MPHOSPH8: variants seen among roughly 807,000 people sequenced by gnomAD.
MPHOSPH8 encodes M-phase phosphoprotein, mpp.
MPHOSPH8 carries 45 observed loss-of-function variants against 87.3 expected under a neutral mutation model. That is an observed-to-expected ratio of 0.52 (90% CI 0.41 to 0.66). The LOEUF (loss-of-function observed/expected upper bound fraction) is 0.66, where lower values mean the gene tolerates loss of function less well. Ranked by LOEUF, MPHOSPH8 falls within the 30% of genes least tolerant of loss-of-function variation. The pLI is 0.00. For synonymous variants in MPHOSPH8, 366 were observed against 376.9 expected (o/e 0.97, Z 0.33); for missense variants, 883 against 1,020.2 (o/e 0.87, Z 1.83).
In MPHOSPH8 at chr13:19,672,681, G is replaced by A. The variant is rs557408686; in HGVS notation, c.*806G>A. The stretch of plus-strand genomic sequence containing the variant: ...CACACATTCCCCAAGCACAAAAGGT[G>A]GAGATGGCAGTCACTTTGTAAATAT... On this transcript the variant is annotated 3_prime_UTR_variant, in exon 14 of 14. Transcript: ENST00000361479. The A allele has an allele frequency of 8.9e-5, 14 of 157,080 alleles. No individual in the cohort carries two copies. Among genetic ancestry groups the A allele is most frequent in the African/African-American group, 3.1e-4 (13 of 41,602 alleles). The allele number at this position is 157,080 out of a possible 1,614,324, so 9.7% of individuals were successfully genotyped here. A position where few individuals can be genotyped will look rare whatever the true frequency, so the allele number is the denominator to read the frequency against.
intron 8 of MPHOSPH8, among the ~76,000 whole-genome samples, chr13:19,662,641 C>T (rs966236752): frequency 1.4e-4 from 22 of 152,034 alleles, no homozygotes; most frequent in Non-Finnish European, 2.2e-4. Flanking sequence ...TGATTTATCT[C>T]GTTGGAAGTA....
At position 19,668,493 on chromosome 13, in the gene MPHOSPH8, C is replaced by T; in HGVS notation, c.2291C>T (p.Thr764Ile). Residue 764 changes from threonine to isoleucine, a missense_variant, in exon 11 of 14, where the codon ACA (threonine) becomes ATA (isoleucine). By Grantham distance (89) the Thr-to-Ile change is moderately conservative. This residue lies in a region of MPHOSPH8 where 741 missense variants were observed against 841.5 expected (regional missense o/e 0.88). Coordinates refer to ENST00000361479, the MANE Select transcript of MPHOSPH8 (RefSeq NM_017520.4). ...CTCTGTGAGGGTCCAGATTTTTCAA[C>T]AGATTTCAATTACAAACCCCCACAG... ...HRLCEGPDFSTDFNYKPPQNI... is the reference protein window; with the variant it reads ...HRLCEGPDFSIDFNYKPPQNI... 1.9e-6 allele frequency: 3 copies of T among 1,614,152 alleles called. No homozygotes were observed. Among genetic ancestry groups the T allele is most frequent in the African/African-American group, 1.3e-5 (1 of 75,032 alleles).
In MPHOSPH8 at chr13:19,647,254, A is replaced by G. The variant is rs754838176; in HGVS notation, c.1181A>G (p.Glu394Gly). The G allele has an allele frequency of 6.2e-7, 1 of 1,610,802 alleles. No individual in the cohort carries two copies. Among genetic ancestry groups the G allele is most frequent in the Admixed American group, 1.7e-5 (1 of 58,956 alleles). The change falls in exon 3 of 14, where the codon GAA (glutamate) becomes GGA (glycine). Residue 394 changes from glutamate to glycine, a missense_variant. Coordinates refer to ENST00000361479, the MANE Select transcript of MPHOSPH8 (RefSeq NM_017520.4). ...CCAAAGGGCCGGAGGTTGAGCGGGG[A>G]AGAGAGAGGCCTCTGGTCCACGGAC... ...QTPKGRRLSGEERGLWSTDSA... is the reference protein window; with the variant it reads ...QTPKGRRLSGGERGLWSTDSA...
At position 19,663,242 on chromosome 13, in the gene MPHOSPH8, G is replaced by A. The variant is rs1875643581; in HGVS notation, c.2019+116G>A. 1.3e-5 allele frequency: 12 copies of A among 902,182 alleles called. No homozygotes were observed. In the East Asian group the frequency reaches 2.9e-4, roughly 22 times the overall value. 55.9% of individuals were successfully genotyped at this position (902,182 alleles called of 1,614,324 possible). A position where few individuals can be genotyped will look rare whatever the true frequency, so the allele number is the denominator to read the frequency against. ...TGAGAACAGAGTGGGTACCAAGACA[G>A]TCCTAGAGTCAGCCGCTTGCAGGGG... is the stretch of plus-strand genomic sequence containing the variant. On this transcript the variant is annotated intron_variant, in intron 9 of 13. Transcript: ENST00000361479.
chr13:19,655,213 C>G (rs1593480636), intron 5 of MPHOSPH8, among the ~76,000 whole-genome samples: 1 of 152,162 alleles, frequency 6.6e-6, no homozygotes, highest in East Asian at 1.9e-4. Context: ...TGGTGGCTCA[C>G]ACCTACAATC....
rs1253252336 is a variant in MPHOSPH8 at position 19,633,948 on chromosome 13, T to C, written c.200T>C (p.Met67Thr). ...TTCGAGGTGGAGAAGATCCTGGACA[T>C]GAAGACCGAGGGGGTATGTGGAGGG... ...DVFEVEKILD[M>T]KTEGGKVLYK... Residue 67 changes from methionine (M) to threonine (T), a missense_variant, in exon 1 of 14, where the codon ATG (methionine) becomes ACG (threonine). Around this residue, in one of 3 missense-constraint regions of MPHOSPH8, gnomAD observed 103 missense variants for 96.3 expected, o/e 1.07. Coordinates refer to ENST00000361479, the MANE Select transcript of MPHOSPH8 (RefSeq NM_017520.4). The C allele has an allele frequency of 1.2e-6, 2 of 1,608,384 alleles. No individual in the cohort carries two copies. Among genetic ancestry groups the C allele is most frequent in the Non-Finnish European group, 1.7e-6 (2 of 1,178,170 alleles).
chr13:19,670,214 C>T, intron 11 of MPHOSPH8, 22 bp from the exon 12 acceptor site: 1 of 1,613,684 alleles, frequency 6.2e-7, no homozygotes, highest in Non-Finnish European at 8.5e-7. Context: ...TGAAGTAATT[C>T]ACACACATCT....
rs1401258741 is a variant in MPHOSPH8 at position 19,672,177 on chromosome 13, T to C, written c.*302T>C. 3 of 288,382 alleles carry C rather than the reference T, an allele frequency of 1.0e-5. No individual in the cohort carries two copies. Among genetic ancestry groups the C allele is most frequent in the East Asian group, 1.3e-4 (2 of 15,156 alleles). 17.9% of individuals were successfully genotyped at this position (288,382 alleles called of 1,614,324 possible). A position where few individuals can be genotyped will look rare whatever the true frequency, so the allele number is the denominator to read the frequency against. The stretch of plus-strand genomic sequence containing the variant: ...CTTTTTTCTGGAGACGGAGTTTCGC[T>C]CTTGTTGCCCAGGCTGGAGTGCAAT... On this transcript the variant is annotated 3_prime_UTR_variant, in exon 14 of 14. Coordinates refer to ENST00000361479, the MANE Select transcript of MPHOSPH8 (RefSeq NM_017520.4).
chr13:19,636,488 C>CT (rs879558701), intron 1 of MPHOSPH8, among the ~76,000 whole-genome samples: 7,427 of 144,212 alleles, frequency 0.052, 616 homozygotes, highest in African/African-American at 0.17. Context: ...TATTAATTTC[C>CT]TTTTTTTTTT....
chr13:19,634,313 C>T (rs1435704677), intron 1 of MPHOSPH8, among the ~76,000 whole-genome samples: 2 of 152,330 alleles, frequency 1.3e-5, no homozygotes, highest in East Asian at 3.9e-4. Flanking sequence ...TCGTAGTCCA[C>T]TGTCCACGCC....
intron 9 of MPHOSPH8, among the ~76,000 whole-genome samples, chr13:19,664,022 C>T (rs754079176): frequency 3.3e-5 from 5 of 152,282 alleles, no homozygotes; most frequent in East Asian, 1.9e-4. Context: ...CTCCTTCTGT[C>T]GCCCGGGCTG....
In MPHOSPH8 at chr13:19,672,729, T is replaced by C. The variant is rs1876205300; in HGVS notation, c.*854T>C. On this transcript the variant is annotated 3_prime_UTR_variant, in exon 14 of 14. Transcript: ENST00000361479. ...TATGCTGTAGTCACTTATCATCTTT[T>C]CAAAGGGTAACAAGAGAATCTAAGA... 1 of 164,686 alleles carries C rather than the reference T, an allele frequency of 6.1e-6. No homozygotes were observed. Among genetic ancestry groups the C allele is most frequent in the East Asian group, 1.7e-4 (1 of 6,012 alleles). 10.2% of individuals were successfully genotyped at this position (164,686 alleles called of 1,614,324 possible). A position where few individuals can be genotyped will look rare whatever the true frequency, so the allele number is the denominator to read the frequency against.
Position 19,633,791 on chromosome 13 carries a change from G to A in MPHOSPH8, c.43G>A (p.Val15Met), listed in dbSNP as rs967712386. The change falls in exon 1 of 14, where the codon GTG becomes ATG. Residue 15 changes from valine to methionine, a missense_variant. Val to Met is a conservative substitution (Grantham distance 21, BLOSUM62 1). This residue lies in a region of MPHOSPH8 where 103 missense variants were observed against 96.3 expected (regional missense o/e 1.07). Transcript: ENST00000361479. ...GGGAGCAAGGGTGACCGCAGTCCCTGTGTCAGCTGCCGACAGCACTGAGGA... is the reference window on the plus strand; with the variant it reads ...GGGAGCAAGGGTGACCGCAGTCCCTATGTCAGCTGCCGACAGCACTGAGGA... ...AEGARVTAVPVSAADSTEELA... is the reference protein window; with the variant it reads ...AEGARVTAVPMSAADSTEELA... The A allele has an allele frequency of 6.2e-7, 1 of 1,607,746 alleles. No individual in the cohort carries two copies. The highest frequency in any genetic ancestry group is 8.5e-7 in the Non-Finnish European group (1 of 1,177,610).
intron 1 of MPHOSPH8, among the ~76,000 whole-genome samples, chr13:19,635,784 A>T (rs1052164818): frequency 2.6e-5 from 4 of 152,118 alleles, no homozygotes; most frequent in South Asian, 2.1e-4. Context: ...TAAAGATGAT[A>T]TGGTTTGGCT....
intron 2 of MPHOSPH8, among the ~76,000 whole-genome samples, chr13:19,645,683 G>A (rs989707675): frequency 1.3e-5 from 2 of 151,032 alleles, no homozygotes; most frequent in African/African-American, 4.9e-5. Flanking sequence ...TTGAACCCAG[G>A]AGGCAGGGGT....
At position 19,671,909 on chromosome 13, in the gene MPHOSPH8, G is replaced by C. The variant is rs760199334; in HGVS notation, c.*34G>C. 2 of 1,605,512 alleles carry C rather than the reference G, an allele frequency of 1.2e-6. No homozygotes were observed. The highest frequency in any genetic ancestry group is 1.7e-6 in the Non-Finnish European group (2 of 1,172,270). The stretch of plus-strand genomic sequence containing the variant: ...AAGGGACTGGGCGGAGTTCTCTTCA[G>C]ACCGATTCCTATACTCTCTTTGACA... On this transcript the variant is annotated 3_prime_UTR_variant, in exon 14 of 14. Coordinates refer to ENST00000361479, the MANE Select transcript of MPHOSPH8 (RefSeq NM_017520.4).
At chr13:19,636,982 A>G (rs187200228) in intron 1 of MPHOSPH8, among the ~76,000 whole-genome samples, 38 of 152,236 alleles carry the variant, frequency 2.5e-4, no homozygotes, top group Admixed American at 3.3e-4. Context: ...ACCCTGGACA[A>G]TTTTTTGGAT....
At chr13:19,638,621 A>G (rs1874124621) in intron 1 of MPHOSPH8, among the ~76,000 whole-genome samples, 1 of 151,772 alleles carries the variant, frequency 6.6e-6, no homozygotes, top group South Asian at 2.1e-4. Context: ...AAAAAAAAAA[A>G]GTTAAGATTT....
chr13:19,654,665 A>G (rs1229930955), intron 5 of MPHOSPH8, among the ~76,000 whole-genome samples: 1 of 152,118 alleles, frequency 6.6e-6, no homozygotes, highest in Non-Finnish European at 1.5e-5. Context: ...TATATAAGAA[A>G]AGGCCGGGCG....
Sources: gnomAD v4.1 joint callset for allele counts (sites outside exome capture counted in the v4.1 genomes callset) on GRCh38, gnomAD v4.1.1 for gene constraint, gnomAD v4.1.1 regional missense constraint, MANE v1.5 for transcripts, NCBI Gene and HGNC (gene_info 2026-07-23, HGNC 2026-07-21) for gene names.